Variants in ZNF609 observed in about 807,000 individuals in gnomAD.
ZNF609 encodes the protein zinc finger protein 609.
ZNF609 carries 11 observed loss-of-function variants against 109.5 expected under a neutral mutation model. The ratio of observed to expected loss-of-function variants is 0.10; its 90% CI spans 0.06 to 0.17. The LOEUF (loss-of-function observed/expected upper bound fraction) is 0.17. ZNF609 is among the 10% of genes least tolerant of loss of function. The probability of loss-of-function intolerance (pLI) is 1.00; values close to 1 mark genes in which losing one functional copy is unlikely to be tolerated. For missense variants in ZNF609, 1,559 were observed against 1,772.4 expected, an observed-to-expected ratio of 0.88 and a Z score of 2.16; for synonymous variants, 646 against 662.0, an observed-to-expected ratio of 0.98 and a Z score of 0.37.
At position 64,545,355 on chromosome 15, in the gene ZNF609, T is replaced by C. The variant is rs1454867769; in HGVS notation, c.747+45189T>C. Among the ~76,000 whole-genome samples, 5 of 152,204 alleles carry C rather than the reference T, an allele frequency of 3.3e-5. No individual in the cohort carries two copies. In the East Asian group the frequency reaches 7.8e-4, roughly 24 times the overall value. The stretch of plus-strand genomic sequence containing the variant: ...CTGGAACTATAGGCTCACGCTACCA[T>C]GCCCAGCTAATGTTTGTACTTTTTG... On this transcript the variant is annotated intron_variant, in intron 2 of 9. Coordinates refer to ENST00000326648, the MANE Select transcript of ZNF609 (RefSeq NM_015042.2).
chr15:64,460,461 G>A (rs1892919424), upstream of ZNF609, among the ~76,000 whole-genome samples: 1 of 152,122 alleles, frequency 6.6e-6, no homozygotes, highest in Non-Finnish European at 1.5e-5. Context: ...CCAGGATTTC[G>A]CTCCTTCATC....
chr15:64,513,096 A>G (rs1200027300), intron 2 of ZNF609, among the ~76,000 whole-genome samples: 1 of 152,164 alleles, frequency 6.6e-6, no homozygotes, highest in Non-Finnish European at 1.5e-5. Flanking sequence ...TGCATTACCT[A>G]TCTATCTTCT....
chr15:64,600,682 AGAGGGAGG>A (rs532463999), intron 2 of ZNF609, among the ~76,000 whole-genome samples: 2 of 87,474 alleles, frequency 2.3e-5, no homozygotes, highest in Non-Finnish European at 4.4e-5. Context: ...GGGCGGGAGA[AGAGGGAGG>A]GAGGGAGGGA....
At chr15:64,577,824 A>C (rs1384887872) in intron 2 of ZNF609, among the ~76,000 whole-genome samples, 1 of 151,274 alleles carries the variant, frequency 6.6e-6, no homozygotes, top group African/African-American at 2.4e-5. Context: ...GCACCACTGC[A>C]CTCCAGCCTG....
intron 2 of ZNF609, among the ~76,000 whole-genome samples, chr15:64,598,527 G>A (rs1438513145): frequency 6.6e-6 from 1 of 151,262 alleles, no homozygotes; most frequent in Non-Finnish European, 1.5e-5. Flanking sequence ...ACAAAAAGTA[G>A]AGTTAAATTT....
At chr15:64,520,760 C>T (rs148392192) in intron 2 of ZNF609, among the ~76,000 whole-genome samples, 257 of 152,216 alleles carry the variant, frequency 1.7e-3, no homozygotes, top group Non-Finnish European at 1.8e-3. Flanking sequence ...AATGTCTCTT[C>T]AATTCCTAGC....
chr15:64,679,165 T>C (rs56010111), intron 6 of ZNF609, among the ~76,000 whole-genome samples: 16,037 of 152,226 alleles, frequency 0.11, 1,182 homozygotes, highest in African/African-American at 0.21. Context: ...CTCCACCTCC[T>C]GGGTTCAAAC....
Position 64,623,080 on chromosome 15 carries a change from C to T in ZNF609, c.973+28C>T, listed in dbSNP as rs1567032013. 4 of 1,601,688 alleles carry T rather than the reference C, an allele frequency of 2.5e-6. No individual in the cohort carries two copies. The South Asian group carries it at 4.4e-5, about 18-fold the overall frequency. On this transcript the variant is annotated intron_variant, in intron 3 of 9. Coordinates refer to ENST00000326648, the MANE Select transcript of ZNF609 (RefSeq NM_015042.2). ...AAGTGTGATATGTGGCTTTCCCCTC[C>T]CTTCTCAACCTGCTTCTGCAGGGGA...
At chr15:64,460,429 G>C (rs1596371166), upstream of ZNF609, among the ~76,000 whole-genome samples, 1 of 152,062 alleles carries the variant, frequency 6.6e-6, no homozygotes, top group African/African-American at 2.4e-5. Context: ...TCTGGGCTCC[G>C]GGTGAGCGCG....
intron 1 of ZNF609, among the ~76,000 whole-genome samples, chr15:64,492,831 C>T (rs1362420857): frequency 6.6e-6 from 1 of 152,198 alleles, no homozygotes; most frequent in Non-Finnish European, 1.5e-5. Context: ...CATCTCCTGA[C>T]TCAGAGTTCA....
At chr15:64,502,989 G>T (rs765673544) in intron 2 of ZNF609, 5 of 151,832 alleles carry the variant, frequency 3.3e-5, no homozygotes, top group Non-Finnish European at 5.9e-5. Flanking sequence ...AGCCTGCGAG[G>T]TGGAGGTTGC....
In ZNF609 at chr15:64,500,029, G is replaced by T; in HGVS notation, c.610G>T (p.Val204Leu). ...TGGTCAGTATGATGGAAGTGCAGGG[G>T]TGGATACAGGAGCTGTGGAGCCACT... ...RGGQYDGSAGVDTGAVEPLGS... is the reference protein window; with the variant it reads ...RGGQYDGSAGLDTGAVEPLGS... The change falls in exon 2 of 10, where the codon GTG becomes TTG. Residue 204 changes from valine to leucine, a missense_variant. This residue lies in a region of ZNF609 where 291 missense variants were observed against 317.8 expected (regional missense o/e 0.92). Transcript: ENST00000326648. 8.1e-6 allele frequency: 13 copies of T among 1,614,184 alleles called. No individual in the cohort carries two copies. Among genetic ancestry groups the T allele is most frequent in the Non-Finnish European group, 1.1e-5 (13 of 1,180,034 alleles).
chr15:64,594,641 A>G (rs75429521), intron 2 of ZNF609, among the ~76,000 whole-genome samples: 1 of 151,968 alleles, frequency 6.6e-6, no homozygotes, highest in Admixed American at 6.6e-5. Flanking sequence ...CCTGGTCACA[A>G]AATGTAAAGA....
chr15:64,632,954 AT>A (rs909650539), intron 3 of ZNF609, among the ~76,000 whole-genome samples: 6 of 145,554 alleles, frequency 4.1e-5, no homozygotes, highest in African/African-American at 1.0e-4. Context: ...TTTTGTTTTA[AT>A]TTTTTTTTTG....
At chr15:64,539,347 A>G (rs907701112) in intron 2 of ZNF609, among the ~76,000 whole-genome samples, 39 of 151,428 alleles carry the variant, frequency 2.6e-4, no homozygotes, top group African/African-American at 9.5e-4. Context: ...AGCTGGGACC[A>G]CAGGCACCCG....
In ZNF609 at chr15:64,473,268, G is replaced by A. The variant is rs138268787; in HGVS notation, c.-128+12430G>A. Among the ~76,000 whole-genome samples the A allele has an allele frequency of 3.1e-3, 434 of 141,028 alleles. 4 individuals carry two copies. Among genetic ancestry groups the A allele is most frequent in the African/African-American group, 0.011 (402 of 36,788 alleles). 92.5% of individuals were successfully genotyped at this position (141,028 alleles called of 152,430 possible). A position where few individuals can be genotyped will look rare whatever the true frequency, so the allele number is the denominator to read the frequency against. On this transcript the variant is annotated intron_variant, in intron 1 of 9. Transcript: ENST00000326648. Reference sequence around the variant, plus strand: ...GGCTGGAGTCCAGTGGTGTGGTCTCGGCTCACTGCAACCTCTGCCTCCTGG... The same window carrying A: ...GGCTGGAGTCCAGTGGTGTGGTCTCAGCTCACTGCAACCTCTGCCTCCTGG...
At chr15:64,649,388 ACT>A (rs1429616481) in intron 3 of ZNF609, among the ~76,000 whole-genome samples, 1 of 151,782 alleles carries the variant, frequency 6.6e-6, no homozygotes, top group Non-Finnish European at 1.5e-5. Context: ...ATACACACAC[ACT>A]CTCACACTCT....
At chr15:64,486,354 T>C (rs1293742921) in intron 1 of ZNF609, among the ~76,000 whole-genome samples, 1 of 151,986 alleles carries the variant, frequency 6.6e-6, no homozygotes, top group Admixed American at 6.6e-5. Flanking sequence ...TGAAACCCCG[T>C]CTCTACTAAA....
intron 1 of ZNF609, among the ~76,000 whole-genome samples, chr15:64,488,229 A>G (rs1416127125): frequency 1.3e-5 from 2 of 152,186 alleles, no homozygotes; most frequent in Non-Finnish European, 2.9e-5. Context: ...AGTAGATTTG[A>G]CAGCTGACTG....
Sources: gnomAD v4.1 joint callset for allele counts (sites outside exome capture counted in the v4.1 genomes callset) on GRCh38, gnomAD v4.1.1 for gene constraint, gnomAD v4.1.1 regional missense constraint, MANE v1.5 for transcripts, NCBI Gene and HGNC (gene_info 2026-07-23, HGNC 2026-07-21) for gene names.